The following TBC1D14 variants were observed in gnomAD, a reference collection of about 807,000 sequenced individuals.
The protein encoded by TBC1D14 is TBC1 domain family, member 14.
TBC1D14 carries 26 observed loss-of-function variants against 79.0 expected under a neutral mutation model. The observed-to-expected ratio is 0.33, with a 90% CI of 0.24 to 0.46. The LOEUF (loss-of-function observed/expected upper bound fraction) is 0.46, where lower values mean the gene tolerates loss of function less well. Ranked by LOEUF, TBC1D14 falls within the 20% of genes least tolerant of loss-of-function variation. TBC1D14 has a pLI of 1.00. For synonymous variants in TBC1D14, 394 were observed against 349.9 expected, an observed-to-expected ratio of 1.13 and a Z score of -1.40; for missense variants, 769 against 887.6, an observed-to-expected ratio of 0.87 and a Z score of 1.70.
chr4:7,010,186 G>A (rs914745947), intron 10 of TBC1D14, among the ~76,000 whole-genome samples: 7 of 152,232 alleles, frequency 4.6e-5, no homozygotes, highest in Middle Eastern at 3.4e-3. Context: ...TTCATTTTTG[G>A]CATGTGACTT....
chr4:6,965,653 C>T (rs1047901850), intron 2 of TBC1D14, among the ~76,000 whole-genome samples: 1 of 152,170 alleles, frequency 6.6e-6, no homozygotes, highest in African/African-American at 2.4e-5. Context: ...ATGATATCGC[C>T]TTAGCCTCCC....
In TBC1D14 at chr4:6,915,020, C is replaced by T. The variant is rs370620408; in HGVS notation, c.-18+5069C>T. ...TGCCACTGCACTCCAGCCTGGGCGA[C>T]AGAGTGAGACTCTGTCTCAGAAACA... On this transcript the variant is annotated intron_variant, in intron 1 of 13. Transcript: ENST00000409757. Among the ~76,000 whole-genome samples the T allele has an allele frequency of 7.8e-4, 119 of 152,298 alleles. No homozygotes were observed. In the Middle Eastern group the frequency reaches 0.01, roughly 13 times the overall value.
At position 7,032,831 on chromosome 4, in the gene TBC1D14, G is replaced by A. The variant is rs923471309; in HGVS notation, c.*2439G>A. The stretch of plus-strand genomic sequence containing the variant: ...TCTCACAGTCTAAGACTTCAGGGCC[G>A]GGACCTTTGTCCAGCCTGCACAGTA... On this transcript the variant is annotated 3_prime_UTR_variant, in exon 14 of 14. Coordinates refer to ENST00000409757, the MANE Select transcript of TBC1D14 (RefSeq NM_020773.3). The A allele has an allele frequency of 1.3e-5, 2 of 152,328 alleles. No homozygotes were observed. Among genetic ancestry groups the A allele is most frequent in the South Asian group, 2.1e-4 (1 of 4,830 alleles). The allele number at this position is 152,328 out of a possible 1,614,324, so 9.4% of individuals were successfully genotyped here.
intron 2 of TBC1D14, among the ~76,000 whole-genome samples, chr4:6,936,197 C>T (rs541378185): frequency 6.6e-6 from 1 of 152,206 alleles, no homozygotes; most frequent in Non-Finnish European, 1.5e-5. Context: ...AGGGGCCACC[C>T]TGGGTGCTGT....
At chr4:6,929,264 C>T (rs1450452045) in intron 2 of TBC1D14, among the ~76,000 whole-genome samples, 1 of 152,126 alleles carries the variant, frequency 6.6e-6, no homozygotes, top group African/African-American at 2.4e-5. Context: ...ACGTACTTTA[C>T]ATTAGAGTTG....
chr4:7,026,249 CTG>C (rs200783984), intron 13 of TBC1D14, among the ~76,000 whole-genome samples: 2,702 of 152,204 alleles, frequency 0.018, 30 homozygotes, highest in South Asian at 0.026. Context: ...GTGTCAGTGA[CTG>C]TGGAAGCGCA....
At chr4:7,022,549 C>G (rs1721934296) in intron 12 of TBC1D14, among the ~76,000 whole-genome samples, 2 of 152,166 alleles carry the variant, frequency 1.3e-5, no homozygotes, top group African/African-American at 2.4e-5. Flanking sequence ...TGGGAAGAGC[C>G]TGCAGGGGAC....
chr4:6,991,024 C>A (rs1381471581), intron 3 of TBC1D14, among the ~76,000 whole-genome samples: 7 of 152,196 alleles, frequency 4.6e-5, no homozygotes, highest in Admixed American at 3.3e-4. Flanking sequence ...CCTGGGAGAA[C>A]CGGGTCTAGA....
intron 2 of TBC1D14, among the ~76,000 whole-genome samples, chr4:6,943,402 C>A (rs549139746): frequency 2.0e-5 from 3 of 152,312 alleles, no homozygotes; most frequent in Middle Eastern, 3.4e-3. Context: ...CCCTCTCATT[C>A]TCTTGCCCAA....
chr4:6,946,374 C>A (rs1443372279), intron 2 of TBC1D14, among the ~76,000 whole-genome samples: 1 of 151,878 alleles, frequency 6.6e-6, no homozygotes, highest in East Asian at 1.9e-4. Context: ...GCTCTGTCAC[C>A]CAGGCTGGAG....
chr4:6,980,739 G>C (rs1043445295), intron 3 of TBC1D14, among the ~76,000 whole-genome samples: 1 of 150,090 alleles, frequency 6.7e-6, no homozygotes, highest in African/African-American at 2.5e-5. Context: ...TTTTTGATAC[G>C]GAGTCTCGCT....
intron 12 of TBC1D14, among the ~76,000 whole-genome samples, chr4:7,016,452 C>G (rs558671530): frequency 1.3e-5 from 2 of 152,158 alleles, no homozygotes; most frequent in South Asian, 4.1e-4. Flanking sequence ...GGCTGGGGCC[C>G]GCGGTGCTGG....
intron 3 of TBC1D14, among the ~76,000 whole-genome samples, chr4:6,989,416 C>T (rs1718254777): frequency 6.6e-6 from 1 of 152,210 alleles, no homozygotes; most frequent in Non-Finnish European, 1.5e-5. Context: ...TTGGCCACTG[C>T]TTCTGCTGTC....
rs969278408 is a variant in TBC1D14, at chr4:7,030,827, G to A, written c.*435G>A. On this transcript the variant is annotated 3_prime_UTR_variant, in exon 14 of 14. Transcript: ENST00000409757. ...ACATGTTTTCGATAAGAAAGGGATCGCTGATTGAGTTATTGAGATAGTTTT... is the reference window on the plus strand; with the variant it reads ...ACATGTTTTCGATAAGAAAGGGATCACTGATTGAGTTATTGAGATAGTTTT... 1.3e-4 allele frequency: 20 copies of A among 156,746 alleles called. No individual in the cohort carries two copies. Among genetic ancestry groups the A allele is most frequent in the Admixed American group, 1.3e-4 (2 of 15,790 alleles). 9.7% of individuals were successfully genotyped at this position (156,746 alleles called of 1,614,324 possible).
chr4:6,941,839 G>A (rs976534364), intron 2 of TBC1D14, among the ~76,000 whole-genome samples: 2 of 152,168 alleles, frequency 1.3e-5, no homozygotes, highest in Non-Finnish European at 2.9e-5. Context: ...GAAACAGTAC[G>A]CCCATCTTCC....
chr4:6,916,276 T>G (rs1226198397), intron 1 of TBC1D14, among the ~76,000 whole-genome samples: 1 of 152,174 alleles, frequency 6.6e-6, no homozygotes, highest in Non-Finnish European at 1.5e-5. Flanking sequence ...AAGAGGCAGC[T>G]GTCCTGTGGA....
At chr4:6,971,570 G>A (rs555194855) in intron 3 of TBC1D14, among the ~76,000 whole-genome samples, 1 of 152,204 alleles carries the variant, frequency 6.6e-6, no homozygotes, top group South Asian at 2.1e-4. Context: ...TGTTAACCTC[G>A]ATGGTAGTTT....
chr4:7,012,414 A>G (rs1336555782), intron 11 of TBC1D14, among the ~76,000 whole-genome samples: 2 of 152,250 alleles, frequency 1.3e-5, no homozygotes, highest in Non-Finnish European at 2.9e-5. Context: ...AGCTGTAAAT[A>G]GCATTGGTGT....
At chr4:7,024,932 G>A in intron 12 of TBC1D14, 72 bp from the exon 13 acceptor site, 1 of 1,580,582 alleles carries the variant, frequency 6.3e-7, no homozygotes, top group South Asian at 1.2e-5. Context: ...CATGGAATCA[G>A]ACTGGAATTC....
Sources: gnomAD v4.1 joint callset for allele counts (sites outside exome capture counted in the v4.1 genomes callset) on GRCh38, gnomAD v4.1.1 for gene constraint, MANE v1.5 for transcripts, NCBI Gene and HGNC (gene_info 2026-07-23, HGNC 2026-07-21) for gene names.